XRCC5: variants seen among roughly 807,000 people sequenced by gnomAD.
XRCC5 encodes DNA repair protein Ku80.
Under a neutral mutation model 95.7 loss-of-function variants are expected in XRCC5, and 12 were observed. The ratio of observed to expected loss-of-function variants is 0.13; its 90% CI spans 0.08 to 0.20. The LOEUF is 0.20. Among genes scored for constraint, XRCC5 ranks in the 10% least tolerant of loss-of-function variants. The pLI is 1.00. For missense variants in XRCC5, 595 were observed against 873.9 expected, an observed-to-expected ratio of 0.68 and a Z score of 4.02; for synonymous variants, 281 against 290.3, an observed-to-expected ratio of 0.97 and a Z score of 0.33.
rs959484160 is a variant in XRCC5 at position 216,167,231 on chromosome 2, G to A, written c.1834+5183G>A. The stretch of plus-strand genomic sequence containing the variant: ...ATTTTTTTCCCCTTTCACTTTGTTT[G>A]GATTACGTCTCATCCTAGAGTCTTT... On this transcript the variant is annotated intron_variant, in intron 16 of 20. Transcript: ENST00000392132. 1.9e-4 allele frequency among the ~76,000 whole-genome samples: 29 copies of A among 151,960 alleles called. 1 individual carries two copies. The highest frequency in any genetic ancestry group is 7.0e-4 in the African/African-American group (29 of 41,350).
At chr2:216,170,037 CAAAAAAAAAAAAAAAAAAAA>C (rs71047982) in intron 16 of XRCC5, among the ~76,000 whole-genome samples, 18 of 53,610 alleles carry the variant, frequency 3.4e-4, no homozygotes, top group African/African-American at 8.7e-4. Flanking sequence ...GACTGTGTCT[CAAAAAAAAAAAAAAAAAAAA>C]AAAAAAAAAA....
intron 16 of XRCC5, among the ~76,000 whole-genome samples, chr2:216,163,724 AGC>A (rs1396261861): frequency 6.6e-6 from 1 of 152,214 alleles, no homozygotes; most frequent in African/African-American, 2.4e-5. Flanking sequence ...TCCAGAGGCA[AGC>A]ATGAGCAGCT....
At chr2:216,114,055 T>A (rs1179921478) in intron 2 of XRCC5, among the ~76,000 whole-genome samples, 1 of 152,128 alleles carries the variant, frequency 6.6e-6, no homozygotes, top group African/African-American at 2.4e-5. Context: ...GCTACTACAG[T>A]GCCTCAGTGT....
chr2:216,188,451 C>T (rs1466298229), intron 16 of XRCC5, among the ~76,000 whole-genome samples: 7 of 152,200 alleles, frequency 4.6e-5, no homozygotes, highest in South Asian at 2.1e-4. Flanking sequence ...ATAGTAGTTG[C>T]ACAATAAGTA....
At chr2:216,191,457 G>A (rs1281654518) in intron 17 of XRCC5, among the ~76,000 whole-genome samples, 1 of 151,736 alleles carries the variant, frequency 6.6e-6, no homozygotes, top group Admixed American at 6.6e-5. Context: ...TGTCGCCCAG[G>A]CTGGAGTGCA....
At chr2:216,193,899 A>G (rs975710739) in intron 18 of XRCC5, among the ~76,000 whole-genome samples, 1 of 152,218 alleles carries the variant, frequency 6.6e-6, no homozygotes, top group Non-Finnish European at 1.5e-5. Flanking sequence ...AGCAAACTAA[A>G]GAGTAGATTT....
chr2:216,157,634 TG>T (rs1688872084), intron 14 of XRCC5, among the ~76,000 whole-genome samples: 1 of 152,236 alleles, frequency 6.6e-6, no homozygotes, highest in Non-Finnish European at 1.5e-5. Flanking sequence ...AAGGTGTTGA[TG>T]GTATATTAAT....
At chr2:216,204,875 C>G (rs1402755098) in intron 20 of XRCC5, among the ~76,000 whole-genome samples, 3 of 152,148 alleles carry the variant, frequency 2.0e-5, no homozygotes, top group Non-Finnish European at 4.4e-5. Flanking sequence ...TTGTTGATGT[C>G]TGGGAAGCTG....
rs983117877 is a variant in XRCC5, at chr2:216,113,223, C to G, written c.135+94C>G. ...CAAGATACCAGCCTCCTTATAGTGTCCAGCCCCTCTGTTTGGGGGGATTCT... is the reference window on the plus strand; with the variant it reads ...CAAGATACCAGCCTCCTTATAGTGTGCAGCCCCTCTGTTTGGGGGGATTCT... On this transcript the variant is annotated intron_variant, in intron 2 of 20. Coordinates refer to ENST00000392132, the MANE Select transcript of XRCC5 (RefSeq NM_021141.4). The G allele has an allele frequency of 1.6e-5, 17 of 1,031,122 alleles. 1 individual carries two copies. The highest frequency in any genetic ancestry group is 7.3e-6 in the Non-Finnish European group (5 of 688,458). The allele number at this position is 1,031,122 out of a possible 1,614,324, so 63.9% of individuals were successfully genotyped here.
intron 3 of XRCC5, 109 bp from the exon 4 acceptor site, chr2:216,117,637 T>C (rs1696723793): frequency 9.3e-7 from 1 of 1,080,526 alleles, no homozygotes; most frequent in Non-Finnish European, 1.4e-6. Flanking sequence ...CTTTAAGTCA[T>C]CACATAGTTC....
intron 1 of XRCC5, among the ~76,000 whole-genome samples, chr2:216,111,888 G>A (rs1197775667): frequency 6.6e-6 from 1 of 152,104 alleles, no homozygotes; most frequent in Non-Finnish European, 1.5e-5. Flanking sequence ...AGGAGAGATG[G>A]GACTAGATCC....
intron 8 of XRCC5, among the ~76,000 whole-genome samples, chr2:216,129,015 A>C (rs1473492713): frequency 6.6e-6 from 1 of 152,200 alleles, no homozygotes; most frequent in East Asian, 1.9e-4. Flanking sequence ...TTTATGCATA[A>C]CCTTGAAAAC....
intron 13 of XRCC5, among the ~76,000 whole-genome samples, chr2:216,145,218 G>A (rs919771360): frequency 2.0e-5 from 3 of 152,148 alleles, no homozygotes; most frequent in Admixed American, 6.5e-5. Context: ...GAGGTTGTGG[G>A]ATCCAGGAAG....
At chr2:216,178,389 T>C (rs1256900630) in intron 16 of XRCC5, among the ~76,000 whole-genome samples, 2 of 152,248 alleles carry the variant, frequency 1.3e-5, no homozygotes, top group African/African-American at 4.8e-5. Flanking sequence ...TGTGTCTTCA[T>C]AGGAATAACC....
chr2:216,169,168 T>A (rs1689107013), intron 16 of XRCC5, among the ~76,000 whole-genome samples: 1 of 152,238 alleles, frequency 6.6e-6, no homozygotes, highest in Non-Finnish European at 1.5e-5. Context: ...CTGACCTGAT[T>A]GACTAAACAT....
At chr2:216,114,803 T>C (rs771740013) in intron 2 of XRCC5, among the ~76,000 whole-genome samples, 4 of 152,138 alleles carry the variant, frequency 2.6e-5, no homozygotes, top group Non-Finnish European at 4.4e-5. Context: ...CTTTAACTGG[T>C]ATAAAAGCTG....
chr2:216,160,047 A>AT (rs763355027), intron 14 of XRCC5, 21 bp from the exon 15 acceptor site: 1 of 1,503,310 alleles, frequency 6.7e-7, no homozygotes, highest in Non-Finnish European at 9.1e-7. Context: ...TTCTAAGAGA[A>AT]ATTTTTTTTT....
At chr2:216,136,342 GC>G (rs1399498294) in intron 10 of XRCC5, among the ~76,000 whole-genome samples, 1 of 133,690 alleles carries the variant, frequency 7.5e-6, no homozygotes, top group Non-Finnish European at 1.6e-5. Flanking sequence ...GGCAACAAGA[GC>G]GAAACTGTGT....
chr2:216,181,451 GA>G (rs1340015613), intron 16 of XRCC5, among the ~76,000 whole-genome samples: 1 of 152,138 alleles, frequency 6.6e-6, no homozygotes, highest in Non-Finnish European at 1.5e-5. Flanking sequence ...TTCTTATACA[GA>G]TTCCCTCTGT....
Sources: allele counts gnomAD v4.1 joint callset (sites outside exome capture counted in the v4.1 genomes callset), GRCh38; gene constraint gnomAD v4.1.1; transcripts MANE v1.5; gene names NCBI Gene and HGNC (gene_info 2026-07-23, HGNC 2026-07-21).